Variants in TMEM165 observed in about 807,000 individuals in gnomAD.
TMEM165 encodes the protein putative divalent cation/proton antiporter TMEM165.
TMEM165 carries 19 observed loss-of-function variants against 30.0 expected under a neutral mutation model. That is an observed-to-expected ratio of 0.63 (90% CI 0.44 to 0.93). The LOEUF (loss-of-function observed/expected upper bound fraction) is 0.93, where lower values mean the gene tolerates loss of function less well. Ranked by LOEUF, TMEM165 falls within the 40% of genes least tolerant of loss-of-function variation. TMEM165 has a pLI of 0.00. For synonymous variants in TMEM165, 168 were observed against 162.9 expected (o/e 1.03, Z -0.24); for missense variants, 340 against 417.0 (o/e 0.82, Z 1.61).
chr4:55,428,696 TTGAGA>T (rs1213750597), downstream of TMEM165: 3 of 152,084 alleles, frequency 2.0e-5, no homozygotes, highest in African/African-American at 7.2e-5. Context: ...GAATATCACA[TTGAGA>T]ACCACACAGA....
chr4:55,444,798 G>A (rs1291349090), intron 3 of TMEM165: 1 of 1,612,968 alleles, frequency 6.2e-7, no homozygotes, highest in African/African-American at 1.3e-5. Flanking sequence ...GAAGTACCAT[G>A]TACGGAAAAA....
rs759386885 is a variant in TMEM165 at position 55,411,681 on chromosome 4, G to GATGAGGA, written c.277_278insGAGGAAT (p.Phe93Ter). The GATGAGGA allele has an allele frequency of 6.2e-7, 1 of 1,614,098 alleles. No individual in the cohort carries two copies. The highest frequency in any genetic ancestry group is 1.1e-5 in the South Asian group (1 of 91,076). ...GATCCTGCTACCCAAACTAATTTGG[G>GATGAGGA]ATTTATCCATGCATTTGTCGCTGCC... On this transcript the variant is annotated stop_gained and frameshift_variant, in exon 2 of 6. Coordinates refer to ENST00000381334, the MANE Select transcript of TMEM165 (RefSeq NM_018475.5). LOFTEE classifies it high-confidence loss of function.
At chr4:55,403,899 C>T (rs1560388331) in intron 1 of TMEM165, among the ~76,000 whole-genome samples, 1 of 152,136 alleles carries the variant, frequency 6.6e-6, no homozygotes, top group Non-Finnish European at 1.5e-5. Context: ...TATTCTCTCC[C>T]TTCCCATTGC....
intron 3 of TMEM165, among the ~76,000 whole-genome samples, chr4:55,439,416 GA>G (rs772094851): frequency 6.6e-5 from 10 of 152,120 alleles, no homozygotes; most frequent in Non-Finnish European, 1.3e-4. Context: ...GTGCTGGTGG[GA>G]ATGTAAAAAT....
chr4:55,411,902 GGAGTCACT>G, intron 2 of TMEM165, 63 bp downstream of exon 2: 1 of 1,489,510 alleles, frequency 6.7e-7, no homozygotes, highest in Non-Finnish European at 9.3e-7. Flanking sequence ...TGTGTGACAT[GGAGTCACT>G]GAGTCATTAA....
intron 1 of TMEM165, among the ~76,000 whole-genome samples, chr4:55,410,200 C>T (rs1377567970): frequency 6.6e-6 from 1 of 152,102 alleles, no homozygotes; most frequent in Admixed American, 6.6e-5. Context: ...CTTGCCATCC[C>T]TGGTTTTAGA....
intron 3 of TMEM165, among the ~76,000 whole-genome samples, chr4:55,446,036 C>T (rs1723812126): frequency 6.6e-6 from 1 of 151,762 alleles, no homozygotes; most frequent in Admixed American, 6.6e-5. Context: ...ATTACACATA[C>T]ACCCTGGATT....
At chr4:55,401,868 C>A (rs377561722) in intron 1 of TMEM165, among the ~76,000 whole-genome samples, 1 of 149,982 alleles carries the variant, frequency 6.7e-6, no homozygotes, top group Non-Finnish European at 1.5e-5. Context: ...TGTAATCCCT[C>A]CACTTTGGGA....
chr4:55,452,484 G>C (rs1724554547), exon 4 of TMEM165: 1 of 152,734 alleles, frequency 6.5e-6, no homozygotes, highest in African/African-American at 2.4e-5. Flanking sequence ...CTGAAGTAGA[G>C]GGTCCAGCTA....
chr4:55,445,878 G>A (rs1226845777), intron 3 of TMEM165, among the ~76,000 whole-genome samples: 2 of 151,914 alleles, frequency 1.3e-5, no homozygotes, highest in Admixed American at 6.6e-5. Flanking sequence ...ATACAGGCAT[G>A]AGCCACCACA....
At chr4:55,437,116 C>T (rs1001994845) in intron 3 of TMEM165, among the ~76,000 whole-genome samples, 1 of 152,224 alleles carries the variant, frequency 6.6e-6, no homozygotes, top group South Asian at 2.1e-4. Flanking sequence ...GCAGCATAGG[C>T]TTAAGGTCTA....
intron 1 of TMEM165, chr4:55,398,932 T>A (rs1175805826): frequency 6.6e-6 from 1 of 151,700 alleles, no homozygotes; most frequent in East Asian, 1.9e-4. Flanking sequence ...CTTTTTTTTT[T>A]AAGTTGCAAG....
At chr4:55,427,211 T>C (rs1326579589), downstream of TMEM165, among the ~76,000 whole-genome samples, 1 of 151,210 alleles carries the variant, frequency 6.6e-6, no homozygotes, top group Non-Finnish European at 1.5e-5. Flanking sequence ...TTTTTTGTAT[T>C]TTTAGTAGAG....
At chr4:55,431,154 T>G (rs1195626792), downstream of TMEM165, 1 of 152,190 alleles carries the variant, frequency 6.6e-6, no homozygotes, top group African/African-American at 2.4e-5. Flanking sequence ...GTATGTTGTT[T>G]TAAAAGTGTG....
At chr4:55,417,757 G>T in intron 3 of TMEM165, 46 bp from the exon 4 acceptor site, 1 of 1,443,828 alleles carries the variant, frequency 6.9e-7, no homozygotes, top group South Asian at 1.4e-5. Flanking sequence ...GTGCTATTTT[G>T]ATTTGCTTCC....
chr4:55,400,172 A>T (rs1478188965), intron 1 of TMEM165, among the ~76,000 whole-genome samples: 1 of 123,328 alleles, frequency 8.1e-6, no homozygotes, highest in African/African-American at 3.4e-5. Context: ...TATATATATA[A>T]TATATATAAA....
chr4:55,445,671 G>C (rs1723785254), intron 3 of TMEM165, among the ~76,000 whole-genome samples: 1 of 135,278 alleles, frequency 7.4e-6, no homozygotes, highest in African/African-American at 2.8e-5. Flanking sequence ...GCTCTCTACA[G>C]CCTTAACTTT....
At chr4:55,403,241 T>TA in intron 1 of TMEM165, 15 of 1,288,326 alleles carry the variant, frequency 1.2e-5, no homozygotes, top group Non-Finnish European at 1.4e-5. Flanking sequence ...TGCAGGGACA[T>TA]CAGTTTTTTT....
chr4:55,401,542 T>C (rs1488317707), intron 1 of TMEM165, among the ~76,000 whole-genome samples: 2 of 150,744 alleles, frequency 1.3e-5, no homozygotes, highest in Non-Finnish European at 1.5e-5. Context: ...CAGTGCCTGT[T>C]CTTGTTATCA....
Sources: allele counts gnomAD v4.1 joint callset (sites outside exome capture counted in the v4.1 genomes callset), GRCh38; gene constraint gnomAD v4.1.1; transcripts MANE v1.5; gene names NCBI Gene and HGNC (gene_info 2026-07-23, HGNC 2026-07-21).